Variants in UNC80 observed in about 807,000 individuals in gnomAD.
UNC80 encodes the protein protein unc-80 homolog.
In UNC80, 164 loss-of-function variants were observed where a neutral mutation model predicts 384.6. The observed-to-expected ratio is 0.43, with a 90% CI of 0.38 to 0.49. The LOEUF is 0.49. Ranked by LOEUF, UNC80 falls within the 20% of genes least tolerant of loss-of-function variation. UNC80 has a pLI of 0.00. For missense variants in UNC80, 3,330 were observed against 4,143.0 expected, an observed-to-expected ratio of 0.80 and a Z score of 5.39; for synonymous variants, 1,486 against 1,527.8, an observed-to-expected ratio of 0.97 and a Z score of 0.64.
intron 25 of UNC80, among the ~76,000 whole-genome samples, chr2:209,881,299 A>G (rs1243741957): frequency 6.6e-6 from 1 of 152,168 alleles, no homozygotes; most frequent in African/African-American, 2.4e-5. Flanking sequence ...CAATCTAGAA[A>G]TCAGTGAAGG....
chr2:209,790,727 G>C (rs1040635607), intron 6 of UNC80, among the ~76,000 whole-genome samples: 1 of 152,154 alleles, frequency 6.6e-6, no homozygotes, highest in African/African-American at 2.4e-5. Context: ...ACAATTCTGG[G>C]TTGAAAATTT....
chr2:209,935,457 A>T (rs1307718591), intron 39 of UNC80, among the ~76,000 whole-genome samples: 1 of 152,130 alleles, frequency 6.6e-6, no homozygotes, highest in South Asian at 2.1e-4. Flanking sequence ...CCTCGTCTCT[A>T]CTAAAAATAA....
intron 7 of UNC80, among the ~76,000 whole-genome samples, chr2:209,800,051 G>A (rs6435542): frequency 2.6e-5 from 4 of 151,946 alleles, no homozygotes; most frequent in African/African-American, 9.7e-5. Context: ...TCTCTTCCTG[G>A]TGTTGGTATC....
At chr2:209,785,223 C>A (rs1396021214) in intron 4 of UNC80, among the ~76,000 whole-genome samples, 3 of 152,078 alleles carry the variant, frequency 2.0e-5, no homozygotes, top group African/African-American at 7.2e-5. Flanking sequence ...CAGATGTATT[C>A]GTTAATCTGT....
intron 6 of UNC80, among the ~76,000 whole-genome samples, chr2:209,791,499 C>G (rs1295254047): frequency 6.6e-6 from 1 of 150,552 alleles, no homozygotes; most frequent in Non-Finnish European, 1.5e-5. Context: ...CAAATCCTTG[C>G]TCAAATTGTT....
intron 31 of UNC80, 146 bp from the exon 32 acceptor site, chr2:209,917,631 G>A: frequency 2.3e-6 from 2 of 872,442 alleles, no homozygotes; most frequent in Non-Finnish European, 3.4e-6. Flanking sequence ...GTACAAAGAA[G>A]GTTTGCTTTT....
Position 209,986,342 on chromosome 2 carries a change from C to T in UNC80, c.9314+1430C>T, listed in dbSNP as rs1357009709. ...GGGGCTTTTCTAATTAGGCCAAATT[C>T]TACTCTTGATGAGTAAGGATTGGTG... is the stretch of plus-strand genomic sequence containing the variant. On this transcript the variant is annotated intron_variant, in intron 61 of 64. Transcript: ENST00000673920. Among the ~76,000 whole-genome samples the T allele has an allele frequency of 2.0e-5, 3 of 152,158 alleles. 1 individual carries two copies. The highest frequency in any genetic ancestry group is 4.4e-5 in the Non-Finnish European group (3 of 68,032).
chr2:209,957,003 G>T (rs1343246889), intron 48 of UNC80, among the ~76,000 whole-genome samples: 1 of 152,156 alleles, frequency 6.6e-6, no homozygotes, highest in South Asian at 2.1e-4. Context: ...ACTGCATTAT[G>T]CCTTTTTCGT....
intron 18 of UNC80, among the ~76,000 whole-genome samples, chr2:209,837,128 A>G (rs1033133916): frequency 6.6e-6 from 1 of 152,228 alleles, no homozygotes; most frequent in Non-Finnish European, 1.5e-5. Context: ...GAACTTAAAA[A>G]TATTCAGTAC....
Position 209,982,284 on chromosome 2 carries a change from C to T in UNC80, c.9224C>T (p.Pro3075Leu), listed in dbSNP as rs544636492. ...AGCCATGTCTCCAGCATGTCTGTACCTCAGGCTGAGGTGGGCATGCTACCC... is the reference window on the plus strand; with the variant it reads ...AGCCATGTCTCCAGCATGTCTGTACTTCAGGCTGAGGTGGGCATGCTACCC... The part of the protein sequence containing the change: ...FSSHVSSMSV[P>L]QAEVGMLPSQ... The change falls in exon 60 of 65, where the codon CCT becomes CTT. Residue 3075 changes from proline (P) to leucine (L), a missense_variant. By Grantham distance (98) the Pro-to-Leu change is moderately conservative (BLOSUM62 -3). Coordinates refer to ENST00000673920, the MANE Select transcript of UNC80 (RefSeq NM_001371986.1). 23 of 1,551,556 alleles carry T rather than the reference C, an allele frequency of 1.5e-5. No individual in the cohort carries two copies. The Admixed American group carries it at 2.7e-4, about 19-fold the overall frequency.
At position 209,921,394 on chromosome 2, in the gene UNC80, C is replaced by T; in HGVS notation, c.5344-106C>T. ...CTGGATCATGGGTATCCTAACATTT[C>T]CTGAGGACAAACTACTACGTTTGTG... is the stretch of plus-strand genomic sequence containing the variant. On this transcript the variant is annotated intron_variant, in intron 33 of 64. Transcript: ENST00000673920. The T allele has an allele frequency of 2.6e-6, 3 of 1,147,850 alleles. No homozygotes were observed. The South Asian group carries it at 6.0e-5, about 23-fold the overall frequency. 71.1% of individuals were successfully genotyped at this position (1,147,850 alleles called of 1,614,324 possible).
intron 28 of UNC80, among the ~76,000 whole-genome samples, chr2:209,904,087 A>G (rs2087878750): frequency 6.6e-6 from 1 of 152,230 alleles, no homozygotes; most frequent in African/African-American, 2.4e-5. Context: ...TCTTAAAATA[A>G]CCATATCCTT....
chr2:209,785,922 T>G, intron 4 of UNC80, 144 bp from the exon 5 acceptor site: 1 of 907,692 alleles, frequency 1.1e-6, no homozygotes, highest in Non-Finnish European at 1.6e-6. Flanking sequence ...CTAGAAACAT[T>G]CATCTGACTA....
intron 58 of UNC80, 40 bp downstream of exon 58, chr2:209,977,118 T>C: frequency 2.8e-6 from 4 of 1,449,402 alleles, no homozygotes; most frequent in Non-Finnish European, 2.8e-6. Flanking sequence ...GTTTGACTAA[T>C]GGAACTCACA....
At chr2:209,936,954 T>A in intron 41 of UNC80, 21 bp downstream of exon 41, 2 of 1,487,090 alleles carry the variant, frequency 1.3e-6, no homozygotes, top group African/African-American at 1.4e-5. Context: ...AGTAGTGACA[T>A]CCCCGTTGAG....
intron 47 of UNC80, chr2:209,951,465 T>C (rs914955743): frequency 6.6e-6 from 1 of 151,984 alleles, no homozygotes; most frequent in African/African-American, 2.4e-5. Context: ...ACCCAGCTAA[T>C]TTTTTATATT....
intron 38 of UNC80, among the ~76,000 whole-genome samples, chr2:209,932,675 C>A (rs986225025): frequency 1.1e-4 from 16 of 152,344 alleles, no homozygotes; most frequent in South Asian, 2.1e-4. Context: ...TGCACTAACA[C>A]TTGTTGAGTA....
intron 26 of UNC80, among the ~76,000 whole-genome samples, chr2:209,890,153 G>C (rs1407663101): frequency 6.6e-6 from 1 of 151,996 alleles, no homozygotes; most frequent in African/African-American, 2.4e-5. Flanking sequence ...TCAACTCAGA[G>C]TTTAAATGTC....
intron 39 of UNC80, 99 bp downstream of exon 39, chr2:209,934,104 A>G (rs1441980815): frequency 8.2e-7 from 1 of 1,225,004 alleles, no homozygotes; most frequent in Non-Finnish European, 1.1e-6. Context: ...GAAAATTTTC[A>G]GAGTTCTAAC....
Sources: gnomAD v4.1 joint callset for allele counts (sites outside exome capture counted in the v4.1 genomes callset) on GRCh38, gnomAD v4.1.1 for gene constraint, MANE v1.5 for transcripts, NCBI Gene and HGNC (gene_info 2026-07-23, HGNC 2026-07-21) for gene names.